ADGRE1: variants seen among roughly 807,000 people sequenced by gnomAD.
The protein encoded by ADGRE1 is adhesion G protein-coupled receptor E1.
A neutral mutation model predicts 102.7 loss-of-function variants in ADGRE1; 82 were observed. The observed-to-expected ratio is 0.80, with a 90% CI of 0.67 to 0.96. The LOEUF (loss-of-function observed/expected upper bound fraction) is 0.96. Ranked by LOEUF, ADGRE1 falls within the 40% of genes least tolerant of loss-of-function variation. The pLI is 0.00. For missense variants in ADGRE1, 1,032 were observed against 1,085.3 expected (o/e 0.95, Z 0.69); for synonymous variants, 398 against 399.6 (o/e 1.00, Z 0.05).
chr19:6,906,337 T>C, intron 8 of ADGRE1, 96 bp from the exon 9 acceptor site: 1 of 1,054,770 alleles, frequency 9.5e-7, no homozygotes, highest in African/African-American at 1.6e-5. Flanking sequence ...AGATGGATTT[T>C]AAGTCGGGCA....
chr19:6,927,481 G>C, intron 16 of ADGRE1, among the ~76,000 whole-genome samples: 1 of 152,020 alleles, frequency 6.6e-6, no homozygotes, highest in Non-Finnish European at 1.5e-5. Context: ...ACAGTTTGCA[G>C]TTACACAAGC....
At chr19:6,937,437 C>A (rs779018673) in intron 19 of ADGRE1, 26 bp downstream of exon 19, 1 of 1,594,764 alleles carries the variant, frequency 6.3e-7, no homozygotes, top group East Asian at 2.2e-5. Context: ...CCTCCCCATC[C>A]CCCTCCTCCC....
rs748204992 is a variant in ADGRE1, at chr19:6,919,715, G to T, written c.1588G>T (p.Asp530Tyr). The T allele has an allele frequency of 6.2e-7, 1 of 1,613,200 alleles. No homozygotes were observed. The highest frequency in any genetic ancestry group is 1.3e-5 in the African/African-American group (1 of 74,708). The change falls in exon 13 of 21, where the codon GAT becomes TAT. Residue 530 changes from aspartate to tyrosine, a missense_variant. Transcript: ENST00000312053. Reference protein sequence around the residue: ...MTGEKKDGFSDPIIYTLENIQ... With the variant: ...MTGEKKDGFSYPIIYTLENIQ... ...TGGAGAGAAGAAAGACGGCTTCTCA[G>T]ATCCAATCATCTACACTCTGGAGAA...
Position 6,898,610 on chromosome 19 carries a change from G to C in ADGRE1, c.514+1063G>C, listed in dbSNP as rs752422333. 3.7e-4 allele frequency: 538 copies of C among 1,450,570 alleles called. 1 individual carries two copies. Among genetic ancestry groups the C allele is most frequent in the Middle Eastern group, 1.2e-3 (7 of 5,694 alleles). 89.9% of individuals were successfully genotyped at this position (1,450,570 alleles called of 1,614,324 possible). A position where few individuals can be genotyped will look rare whatever the true frequency, so the allele number is the denominator to read the frequency against. Reference sequence around the variant, plus strand: ...AATATCAGTGAGTCCCTCACCAGCAGCGTCTGCCCTGAGCATTCTGACTGT... The same window carrying C: ...AATATCAGTGAGTCCCTCACCAGCACCGTCTGCCCTGAGCATTCTGACTGT... On this transcript the variant is annotated intron_variant, in intron 5 of 20. Coordinates refer to ENST00000312053, the MANE Select transcript of ADGRE1 (RefSeq NM_001974.5).
rs375505543 is a variant in ADGRE1, at chr19:6,904,160, A to G, written c.927A>G (p.Lys309=). The change falls in exon 8 of 21, where the codon AAA becomes AAG. Residue 309 remains lysine (K), a synonymous_variant. Coordinates refer to ENST00000312053, the MANE Select transcript of ADGRE1 (RefSeq NM_001974.5). ...GFHPNPEGSQ[K]DGNFSCQRVL... ...ATCCCAATCCAGAAGGCTCCCAGAA[A>G]GATGGCAACTTCAGCTGCCAAAGTA... 3.8e-5 allele frequency: 62 copies of G among 1,614,014 alleles called. No homozygotes were observed. The highest frequency in any genetic ancestry group is 4.9e-5 in the Non-Finnish European group (58 of 1,180,042).
In ADGRE1 at chr19:6,924,848, C is replaced by T. The variant is rs371078149; in HGVS notation, c.1962C>T (p.Ala654=). ...TCTTGGCGAAGACTCTCTTCCTCGC[C>T]GGTATACACAAGACTGACAACAAGG... ...CLLLAKTLFL[A]GIHKTDNKMG... is the part of the protein sequence containing the mutation. Residue 654 remains alanine, a synonymous_variant, in exon 15 of 21, where the codon GCC becomes GCT. Transcript: ENST00000312053. 47 of 1,614,092 alleles carry T rather than the reference C, an allele frequency of 2.9e-5. No individual in the cohort carries two copies. Among genetic ancestry groups the T allele is most frequent in the Middle Eastern group, 3.3e-4 (2 of 6,062 alleles).
rs34730751 is a variant in ADGRE1, at chr19:6,936,626, G to GT, written c.2382-601dup. Among the ~76,000 whole-genome samples the GT allele has an allele frequency of 5.3e-3, 679 of 127,616 alleles. 2 individuals are homozygous for GT. Among genetic ancestry groups the GT allele is most frequent in the African/African-American group, 0.015 (522 of 34,760 alleles). 83.7% of individuals were successfully genotyped at this position (127,616 alleles called of 152,430 possible). A position where few individuals can be genotyped will look rare whatever the true frequency, so the allele number is the denominator to read the frequency against. ...CGCCACTATCTAGTGGCAAATCCTT[G>GT]TTTTTTTTTTTTTTTTGAGACAGAG... On this transcript the variant is annotated intron_variant, in intron 18 of 20. Transcript: ENST00000312053.
At chr19:6,926,661 C>A in intron 16 of ADGRE1, 60 bp downstream of exon 16, 2 of 1,535,252 alleles carry the variant, frequency 1.3e-6, no homozygotes, top group Non-Finnish European at 1.8e-6. Context: ...GTGATAATGA[C>A]ATGAGCAACA....
chr19:6,896,298 C>A, intron 2 of ADGRE1, 100 bp from the exon 3 acceptor site: 1 of 1,211,168 alleles, frequency 8.3e-7, no homozygotes, highest in South Asian at 1.5e-5. Context: ...GAACACAATC[C>A]AACCCATAAC....
At chr19:6,901,650 C>T (rs188197334) in intron 5 of ADGRE1, among the ~76,000 whole-genome samples, 1 of 152,296 alleles carries the variant, frequency 6.6e-6, no homozygotes, top group Admixed American at 6.5e-5. Flanking sequence ...CACCCTTCTG[C>T]TTACATGCTA....
intron 12 of ADGRE1, 23 bp from the exon 13 acceptor site, chr19:6,919,525 T>C: frequency 6.3e-7 from 1 of 1,594,790 alleles, no homozygotes; most frequent in Non-Finnish European, 8.6e-7. Flanking sequence ...TCCTTCCTTT[T>C]TTTCATTTGG....
chr19:6,890,465 T>C lies in ADGRE1; in HGVS notation c.32-16T>C. 1.9e-6 allele frequency: 3 copies of C among 1,569,854 alleles called. No homozygotes were observed. Among genetic ancestry groups the C allele is most frequent in the Non-Finnish European group, 2.6e-6 (3 of 1,165,358 alleles). ...TTTTTGGTGGTTCATGGTGTTTTTC[T>C]TTTCTTTCTTCACAGGATGTTGTGT... On this transcript the variant is annotated splice_polypyrimidine_tract_variant and intron_variant, in intron 1 of 20. Transcript: ENST00000312053.
intron 17 of ADGRE1, among the ~76,000 whole-genome samples, chr19:6,928,997 A>T (rs538090514): frequency 6.6e-6 from 1 of 152,092 alleles, no homozygotes; most frequent in African/African-American, 2.4e-5. Context: ...TTTCGAAGTT[A>T]CAGAGTAATT....
intron 11 of ADGRE1, among the ~76,000 whole-genome samples, chr19:6,916,017 C>A (rs1974365168): frequency 6.6e-6 from 1 of 152,040 alleles, no homozygotes; most frequent in African/African-American, 2.4e-5. Flanking sequence ...CTGATGCACC[C>A]CCTAGGAGAT....
chr19:6,929,248 T>C (rs1975045569), intron 17 of ADGRE1, among the ~76,000 whole-genome samples: 1 of 152,172 alleles, frequency 6.6e-6, no homozygotes, highest in Admixed American at 6.5e-5. Flanking sequence ...AGACTAGCTC[T>C]CTGTGTCTTG....
intron 12 of ADGRE1, among the ~76,000 whole-genome samples, chr19:6,918,293 T>C (rs764303982): frequency 7.9e-5 from 12 of 151,440 alleles, no homozygotes; most frequent in Admixed American, 2.0e-4. Context: ...TACAAAAAAT[T>C]AGCTGGGTGT....
chr19:6,919,478 GTGTT>G (rs1427959366), intron 12 of ADGRE1, 66 bp from the exon 13 acceptor site: 2 of 941,742 alleles, frequency 2.1e-6, no homozygotes, highest in Non-Finnish European at 3.3e-6. Context: ...GTGTGTGTGT[GTGTT>G]GGGTCTTCTA....
chr19:6,929,504 G>A (rs1975056809), intron 17 of ADGRE1, among the ~76,000 whole-genome samples: 1 of 147,008 alleles, frequency 6.8e-6, no homozygotes, highest in African/African-American at 2.6e-5. Flanking sequence ...ACAAAGAAAA[G>A]GGAAGACGGA....
At chr19:6,905,477 C>T (rs954830430) in intron 8 of ADGRE1, among the ~76,000 whole-genome samples, 8 of 151,982 alleles carry the variant, frequency 5.3e-5, no homozygotes, top group South Asian at 2.1e-4. Flanking sequence ...CTCAGCCTGC[C>T]GAGTAGCTAG....
Sources: allele counts gnomAD v4.1 joint callset (sites outside exome capture counted in the v4.1 genomes callset), GRCh38; gene constraint gnomAD v4.1.1; transcripts MANE v1.5; gene names NCBI Gene and HGNC (gene_info 2026-07-23, HGNC 2026-07-21).